The following PPARG variants were observed in gnomAD, a reference collection of about 807,000 sequenced individuals.
The protein encoded by PPARG is peroxisome proliferator-activated receptor gamma.
A neutral mutation model predicts 39.2 loss-of-function variants in PPARG; 17 were observed. The ratio of observed to expected loss-of-function variants is 0.43; its 90% CI spans 0.30 to 0.65. The LOEUF (loss-of-function observed/expected upper bound fraction) is 0.65. PPARG is among the 30% of genes least tolerant of loss of function. The pLI, the probability that PPARG is intolerant of heterozygous loss-of-function variation, is 0.13. For synonymous variants in PPARG, 223 were observed against 215.7 expected (o/e 1.03, Z -0.30); for missense variants, 406 against 585.9 (o/e 0.69, Z 3.17).
intron 5 of PPARG, among the ~76,000 whole-genome samples, chr3:12,404,511 T>C (rs960263136): frequency 1.3e-5 from 2 of 152,126 alleles, no homozygotes; most frequent in African/African-American, 4.8e-5. Flanking sequence ...ACATATAAAA[T>C]AACTATCTCT....
intron 7 of PPARG, among the ~76,000 whole-genome samples, chr3:12,421,353 C>T (rs541128219): frequency 4.6e-5 from 7 of 152,338 alleles, no homozygotes; most frequent in East Asian, 1.9e-4. Context: ...ACAGGCTGGG[C>T]GGTGTCAAGA....
At chr3:12,382,134 ACT>A (rs1559517142) in intron 4 of PPARG, among the ~76,000 whole-genome samples, 1 of 151,310 alleles carries the variant, frequency 6.6e-6, no homozygotes, top group African/African-American at 2.4e-5. Flanking sequence ...CTAGACCCTG[ACT>A]CCTTAGGTGG....
intron 4 of PPARG, among the ~76,000 whole-genome samples, chr3:12,390,449 A>G (rs539501254): frequency 6.6e-6 from 1 of 152,280 alleles, no homozygotes; most frequent in East Asian, 1.9e-4. Context: ...CTATATAATT[A>G]TGAAAATGAG....
At chr3:12,420,288 C>T (rs572315337) in intron 7 of PPARG, among the ~76,000 whole-genome samples, 31 of 152,336 alleles carry the variant, frequency 2.0e-4, no homozygotes, top group Middle Eastern at 3.4e-3. Flanking sequence ...ATGAGATCCA[C>T]CTCCCCGATT....
chr3:12,318,868 T>A (rs2047461663), intron 2 of PPARG, among the ~76,000 whole-genome samples: 2 of 152,102 alleles, frequency 1.3e-5, no homozygotes, highest in Admixed American at 1.3e-4. Context: ...GTTTTTTTTT[T>A]CCTTTAAGCT....
At chr3:12,424,866 A>G (rs2051383872) in intron 7 of PPARG, among the ~76,000 whole-genome samples, 1 of 152,110 alleles carries the variant, frequency 6.6e-6, no homozygotes, top group Non-Finnish European at 1.5e-5. Flanking sequence ...CCTTATCAGG[A>G]CCCTGAGCAA....
intron 2 of PPARG, among the ~76,000 whole-genome samples, chr3:12,324,395 G>A (rs1420927486): frequency 6.6e-6 from 1 of 152,148 alleles, no homozygotes; most frequent in African/African-American, 2.4e-5. Context: ...GTGCCGGGGG[G>A]ATAAGAGAAA....
At chr3:12,406,441 C>A in intron 6 of PPARG, 7 of 310,186 alleles carry the variant, frequency 2.3e-5, no homozygotes, top group South Asian at 2.2e-4. Flanking sequence ...TTCAAGCAGC[C>A]TTGCTTTCCT....
intron 2 of PPARG, among the ~76,000 whole-genome samples, chr3:12,321,888 A>T (rs779301584): frequency 2.6e-5 from 4 of 152,216 alleles, no homozygotes; most frequent in Non-Finnish European, 5.9e-5. Flanking sequence ...GCTTAATACA[A>T]TTCCTACCAA....
intron 2 of PPARG, among the ~76,000 whole-genome samples, chr3:12,341,868 C>T (rs1417409247): frequency 2.6e-5 from 4 of 151,976 alleles, no homozygotes; most frequent in African/African-American, 7.3e-5. Flanking sequence ...ATTAGAAAAA[C>T]ATTTCATAAA....
intron 5 of PPARG, among the ~76,000 whole-genome samples, chr3:12,399,102 G>A (rs1033664625): frequency 1.2e-4 from 18 of 152,074 alleles, no homozygotes; most frequent in Admixed American, 1.1e-3. Context: ...CTTTCCCCCA[G>A]CCCCATCTGT....
chr3:12,344,589 C>T (rs867219531), intron 2 of PPARG, among the ~76,000 whole-genome samples: 7 of 152,116 alleles, frequency 4.6e-5, no homozygotes, highest in African/African-American at 9.7e-5. Context: ...TGTCTACTTC[C>T]GCTAAGTGAA....
chr3:12,298,678 G>T (rs2046855116), intron 1 of PPARG, among the ~76,000 whole-genome samples: 1 of 152,074 alleles, frequency 6.6e-6, no homozygotes, highest in Non-Finnish European at 1.5e-5. Flanking sequence ...CCCAGTTTGG[G>T]ATGATTTCAT....
chr3:12,296,067 C>A (rs1423962507), intron 1 of PPARG, among the ~76,000 whole-genome samples: 1 of 151,212 alleles, frequency 6.6e-6, no homozygotes, highest in Non-Finnish European at 1.5e-5. Context: ...GCCTGGCCAA[C>A]GTGGCAGAAC....
At chr3:12,287,862 C>T (rs1480045013), upstream of PPARG, 1 of 141,578 alleles carries the variant, frequency 7.1e-6, no homozygotes, top group African/African-American at 2.5e-5. Flanking sequence ...CGCCCGCGCC[C>T]GCCCCCGCGC....
chr3:12,399,209 G>A lies in PPARG; in HGVS notation c.529+6457G>A, dbSNP rs1159612738. ...AGAGATTGAGTTAGAAGGTGAGCTG[G>A]TGGTGTTTTGCTCATCTTCATTTTT... On this transcript the variant is annotated intron_variant, in intron 5 of 7. Coordinates refer to ENST00000651735, the MANE Select transcript of PPARG (RefSeq NM_138711.6). 2.3e-5 allele frequency: 9 copies of A among 383,532 alleles called. No individual in the cohort carries two copies. In the Admixed American group the frequency reaches 2.9e-4, roughly 12 times the overall value. 23.8% of individuals were successfully genotyped at this position (383,532 alleles called of 1,614,324 possible). A position where few individuals can be genotyped will look rare whatever the true frequency, so the allele number is the denominator to read the frequency against.
At chr3:12,426,388 T>C (rs1442381800) in intron 7 of PPARG, among the ~76,000 whole-genome samples, 3 of 152,202 alleles carry the variant, frequency 2.0e-5, no homozygotes, top group Non-Finnish European at 4.4e-5. Flanking sequence ...CCCCTTTCCC[T>C]GAAAGCAGCA....
At chr3:12,399,134 G>A (rs1207935808) in intron 5 of PPARG, among the ~76,000 whole-genome samples, 3 of 152,276 alleles carry the variant, frequency 2.0e-5, no homozygotes, top group South Asian at 2.1e-4. Context: ...TTGCATCAAC[G>A]AAGTGTTCAG....
intron 7 of PPARG, 148 bp from the exon 8 acceptor site, chr3:12,433,750 C>T: frequency 1.8e-6 from 2 of 1,121,446 alleles, no homozygotes; most frequent in Non-Finnish European, 2.7e-6. Flanking sequence ...ATCTGCTTAC[C>T]CTTCCTCCCC....
Sources: allele counts gnomAD v4.1 joint callset (sites outside exome capture counted in the v4.1 genomes callset), GRCh38; gene constraint gnomAD v4.1.1; transcripts MANE v1.5; gene names NCBI Gene and HGNC (gene_info 2026-07-23, HGNC 2026-07-21).